Variants in HHAT observed in about 807,000 individuals in gnomAD.
HHAT encodes hedgehog acyltransferase.
A neutral mutation model predicts 70.8 loss-of-function variants in HHAT; 47 were observed. The ratio of observed to expected loss-of-function variants is 0.66; its 90% CI spans 0.53 to 0.85. HHAT has a LOEUF of 0.85. HHAT is among the 40% of genes least tolerant of loss of function. The pLI, the probability that HHAT is intolerant of heterozygous loss-of-function variation, is 0.00. For synonymous variants in HHAT, 228 were observed against 247.6 expected, an observed-to-expected ratio of 0.92 and a Z score of 0.74; for missense variants, 609 against 604.8, an observed-to-expected ratio of 1.01 and a Z score of -0.07.
intron 8 of HHAT, among the ~76,000 whole-genome samples, chr1:210,488,947 G>C (rs1340273718): frequency 1.3e-5 from 2 of 152,190 alleles, no homozygotes; most frequent in Non-Finnish European, 2.9e-5. Flanking sequence ...CCAAAATGGG[G>C]ACCTGGAGGG....
chr1:210,498,296 C>T (rs7534803), intron 8 of HHAT, among the ~76,000 whole-genome samples: 33,565 of 152,064 alleles, frequency 0.22, 4,269 homozygotes, highest in Non-Finnish European at 0.29. Flanking sequence ...TAATTTTCCT[C>T]GAAGTACGTG....
chr1:210,593,382 T>A (rs1662195340), intron 10 of HHAT, among the ~76,000 whole-genome samples: 2 of 152,116 alleles, frequency 1.3e-5, no homozygotes, highest in African/African-American at 4.8e-5. Flanking sequence ...GTGTATCCAT[T>A]ATCATTTGTT....
chr1:210,493,636 G>A (rs2094585727), intron 8 of HHAT, among the ~76,000 whole-genome samples: 1 of 152,148 alleles, frequency 6.6e-6, no homozygotes, highest in South Asian at 2.1e-4. Flanking sequence ...TGAGAGAGAG[G>A]TCAAAGCTAG....
intron 1 of HHAT, among the ~76,000 whole-genome samples, chr1:210,347,219 G>A (rs918579003): frequency 6.6e-6 from 1 of 152,048 alleles, no homozygotes; most frequent in Admixed American, 6.6e-5. Context: ...CTTTTTTTAG[G>A]TTTCACATAT....
Position 210,348,985 on chromosome 1 carries a change from C to T in HHAT, c.10C>T (p.Arg4Ter), listed in dbSNP as rs779025178. Residue 4 changes from arginine to a stop codon, truncating the protein, a stop_gained, in exon 2 of 12, where the codon CGA becomes TGA. Transcript: ENST00000261458. LOFTEE classifies it high-confidence loss of function. Reference sequence around the variant, plus strand: ...TTCGTGCCAAGGAGCCATGCTGCCCCGATGGGAACTGGCACTTTACCTACT... The same window carrying T: ...TTCGTGCCAAGGAGCCATGCTGCCCTGATGGGAACTGGCACTTTACCTACT... MLP[R>*]WELALYLLAS... The T allele has an allele frequency of 1.9e-5, 30 of 1,613,846 alleles. No individual in the cohort carries two copies. The highest frequency in any genetic ancestry group is 1.6e-4 in the Middle Eastern group (1 of 6,082).
chr1:210,530,675 G>T (rs1362406819), intron 9 of HHAT, among the ~76,000 whole-genome samples: 1 of 152,150 alleles, frequency 6.6e-6, no homozygotes, highest in Non-Finnish European at 1.5e-5. Context: ...GAGATAGATG[G>T]CTCTGGATCC....
chr1:210,535,554 G>T (rs1005778165), intron 9 of HHAT, among the ~76,000 whole-genome samples: 16 of 151,736 alleles, frequency 1.1e-4, no homozygotes, highest in Non-Finnish European at 1.6e-4. Context: ...GTAGGAGGGG[G>T]TAGACCAGTC....
intron 9 of HHAT, among the ~76,000 whole-genome samples, chr1:210,550,267 G>T (rs901257271): frequency 6.7e-6 from 1 of 149,114 alleles, no homozygotes; most frequent in African/African-American, 2.5e-5. Flanking sequence ...TAAATGCCTT[G>T]GGTATAAGAG....
At chr1:210,332,343 TA>T (rs2085066768) in intron 1 of HHAT, among the ~76,000 whole-genome samples, 1 of 152,256 alleles carries the variant, frequency 6.6e-6, no homozygotes, top group South Asian at 2.1e-4. Context: ...CTCGTGCACC[TA>T]ACATCTTCAT....
intron 10 of HHAT, among the ~76,000 whole-genome samples, chr1:210,591,139 G>A (rs1661604077): frequency 6.6e-6 from 1 of 152,042 alleles, no homozygotes; most frequent in Non-Finnish European, 1.5e-5. Context: ...ACCTTGTTGT[G>A]CTACCAAATA....
chr1:210,605,669 A>T (rs904879890), intron 10 of HHAT, among the ~76,000 whole-genome samples: 2 of 152,184 alleles, frequency 1.3e-5, no homozygotes, highest in Non-Finnish European at 2.9e-5. Flanking sequence ...TTTAAGTAAG[A>T]TACGTCCATG....
intron 2 of HHAT, among the ~76,000 whole-genome samples, chr1:210,356,729 G>A (rs1230648930): frequency 1.3e-5 from 2 of 152,110 alleles, no homozygotes; most frequent in Non-Finnish European, 2.9e-5. Context: ...AACCTCTTAC[G>A]GGTCATGGGC....
chr1:210,530,416 C>T (rs1164648287), intron 9 of HHAT, among the ~76,000 whole-genome samples: 1 of 151,938 alleles, frequency 6.6e-6, no homozygotes, highest in Non-Finnish European at 1.5e-5. Context: ...ATATTAATAC[C>T]AATGTTTGCA....
rs564912426 is a variant in HHAT at position 210,604,307 on chromosome 1, C to T, written c.1245+16208C>T. On this transcript the variant is annotated intron_variant, in intron 10 of 11. Coordinates refer to ENST00000261458, the MANE Select transcript of HHAT (RefSeq NM_018194.6). ...TTCACCATGTTAGCCAGGATGGTCT[C>T]GATCTCCTGACCTCATGACCTGCCC... 3.2e-4 allele frequency among the ~76,000 whole-genome samples: 48 copies of T among 150,420 alleles called. 1 individual carries two copies. The highest frequency in any genetic ancestry group is 4.1e-4 in the Non-Finnish European group (28 of 67,762).
chr1:210,488,344 C>T (rs1341311310), intron 8 of HHAT, among the ~76,000 whole-genome samples: 1 of 152,226 alleles, frequency 6.6e-6, no homozygotes, highest in Non-Finnish European at 1.5e-5. Flanking sequence ...CACCCCCTCA[C>T]TCTCCACTTT....
chr1:210,550,794 C>T lies in HHAT; in HGVS notation c.1044-37104C>T, dbSNP rs554138209. Among the ~76,000 whole-genome samples the T allele has an allele frequency of 8.3e-4, 123 of 148,762 alleles. 4 individuals are homozygous for T. The highest frequency in any genetic ancestry group is 1.1e-3 in the Non-Finnish European group (77 of 67,838). On this transcript the variant is annotated intron_variant, in intron 9 of 11. Transcript: ENST00000261458. ...AAGTGATTCTCCTGCCTCAGCCTCC[C>T]AAGTAGCTGGGACTATAGGCATACG... is the stretch of plus-strand genomic sequence containing the variant.
intron 9 of HHAT, among the ~76,000 whole-genome samples, chr1:210,563,816 C>A (rs1443745866): frequency 2.0e-5 from 3 of 152,222 alleles, no homozygotes; most frequent in African/African-American, 7.2e-5. Flanking sequence ...CTTTTCTCTT[C>A]CTCCTTGCCT....
chr1:210,619,617 A>G (rs1326353804), intron 10 of HHAT, among the ~76,000 whole-genome samples: 1 of 152,144 alleles, frequency 6.6e-6, no homozygotes, highest in Non-Finnish European at 1.5e-5. Flanking sequence ...CCTTTTGGGC[A>G]GGACGGCTCC....
Position 210,435,944 on chromosome 1 carries a change from T to A in HHAT, c.856+17619T>A, listed in dbSNP as rs1343781512. 3.9e-5 allele frequency among the ~76,000 whole-genome samples: 6 copies of A among 151,914 alleles called. No individual in the cohort carries two copies. In the East Asian group the frequency reaches 1.2e-3, roughly 29 times the overall value. On this transcript the variant is annotated intron_variant, in intron 7 of 11. Coordinates refer to ENST00000261458, the MANE Select transcript of HHAT (RefSeq NM_018194.6). ...TCACTTTGTTGATTGTTTCTTTTGC[T>A]GTGCAGAAACTTTTTAGCTTGATAC...
Sources: gnomAD v4.1 joint callset for allele counts (sites outside exome capture counted in the v4.1 genomes callset) on GRCh38, gnomAD v4.1.1 for gene constraint, MANE v1.5 for transcripts, NCBI Gene and HGNC (gene_info 2026-07-23, HGNC 2026-07-21) for gene names.